DYNC1I2: variants seen among roughly 807,000 people sequenced by gnomAD.
DYNC1I2 encodes cytoplasmic dynein 1 intermediate chain 2.
Under a neutral mutation model 88.6 loss-of-function variants are expected in DYNC1I2, and 53 were observed. The ratio of observed to expected loss-of-function variants is 0.60; its 90% CI spans 0.48 to 0.75. DYNC1I2 has a LOEUF of 0.75. Ranked by LOEUF, DYNC1I2 falls within the 30% of genes least tolerant of loss-of-function variation. The probability of loss-of-function intolerance (pLI) is 0.00; values close to 1 mark genes in which losing one functional copy is unlikely to be tolerated. For synonymous variants in DYNC1I2, 198 were observed against 254.6 expected (o/e 0.78, Z 2.12); for missense variants, 458 against 766.6 (o/e 0.60, Z 4.75).
At chr2:171,720,834 A>G (rs912437554) in intron 7 of DYNC1I2, among the ~76,000 whole-genome samples, 2 of 152,196 alleles carry the variant, frequency 1.3e-5, no homozygotes, top group Admixed American at 1.3e-4. Flanking sequence ...AATATAAACA[A>G]AATTGAAAAT....
At chr2:171,746,112 T>C (rs1689760873) in intron 17 of DYNC1I2, among the ~76,000 whole-genome samples, 185 bp downstream of exon 17, 1 of 152,224 alleles carries the variant, frequency 6.6e-6, no homozygotes, top group African/African-American at 2.4e-5. Flanking sequence ...CCGAATGTTC[T>C]GTTTCCCATG....
intron 15 of DYNC1I2, among the ~76,000 whole-genome samples, chr2:171,734,883 G>C (rs1238940765): frequency 6.6e-6 from 1 of 152,176 alleles, no homozygotes; most frequent in African/African-American, 2.4e-5. Flanking sequence ...AATTAATAAT[G>C]AATGGTAAAG....
intron 5 of DYNC1I2, among the ~76,000 whole-genome samples, chr2:171,712,196 C>T (rs972244982): frequency 1.3e-5 from 2 of 152,126 alleles, no homozygotes; most frequent in Non-Finnish European, 2.9e-5. Flanking sequence ...CCATAAATTA[C>T]AGAAGGGTCA....
Position 171,708,093 on chromosome 2 carries a change from A to ACACAC in DYNC1I2, c.335+716_335+717insCACAC, listed in dbSNP as rs1553582707. On this transcript the variant is annotated intron_variant, in intron 5 of 17. Transcript: ENST00000397119. ...CACACACACACACACACACACACAC[A>ACACAC]AAATAGTGAGTATTAAATGTACTTT... Among the ~76,000 whole-genome samples the ACACAC allele has an allele frequency of 2.6e-5, 4 of 151,772 alleles. No homozygotes were observed. In the South Asian group the frequency reaches 6.2e-4, roughly 24 times the overall value.
rs77870494 is a variant in DYNC1I2, at chr2:171,702,414, T to C, written c.227-4133T>C. ...AAAACATATGCCTACAAGTCCAGTA[T>C]TTATTTGTAATTTGGCCTGAAAAAT... On this transcript the variant is annotated intron_variant, in intron 3 of 17. Coordinates refer to ENST00000397119, the MANE Select transcript of DYNC1I2 (RefSeq NM_001378.3). Among the ~76,000 whole-genome samples, 5,608 of 152,244 alleles carry C rather than the reference T, an allele frequency of 0.037. 999 individuals carry two copies. The East Asian group carries it at 0.59, about 16-fold the overall frequency.
chr2:171,732,320 A>G (rs1401314224), intron 15 of DYNC1I2, among the ~76,000 whole-genome samples: 6 of 152,238 alleles, frequency 3.9e-5, no homozygotes, highest in Non-Finnish European at 5.9e-5. Flanking sequence ...AGATTGTGCC[A>G]TTGCACTACA....
At chr2:171,709,146 A>G (rs1424025322) in intron 5 of DYNC1I2, among the ~76,000 whole-genome samples, 1 of 152,096 alleles carries the variant, frequency 6.6e-6, no homozygotes, top group African/African-American at 2.4e-5. Flanking sequence ...CATTATTTTT[A>G]TGTAGATACT....
chr2:171,718,475 C>T (rs555875545), intron 7 of DYNC1I2, among the ~76,000 whole-genome samples: 1 of 151,754 alleles, frequency 6.6e-6, no homozygotes, highest in Non-Finnish European at 1.5e-5. Flanking sequence ...GCTCTGTGGC[C>T]CAGGCTGGAG....
At chr2:171,707,597 CTAAA>C (rs1186798788) in intron 5 of DYNC1I2, among the ~76,000 whole-genome samples, 31 of 151,732 alleles carry the variant, frequency 2.0e-4, no homozygotes, top group African/African-American at 6.5e-4. Context: ...TAACTTAGTA[CTAAA>C]TAGTCAACCG....
intron 1 of DYNC1I2, among the ~76,000 whole-genome samples, chr2:171,689,629 T>C (rs1260464179): frequency 6.6e-6 from 1 of 152,170 alleles, no homozygotes; most frequent in East Asian, 1.9e-4. Flanking sequence ...CTAGCTACTA[T>C]GCTCAGCTCT....
intron 6 of DYNC1I2, 61 bp from the exon 7 acceptor site, chr2:171,715,267 T>C: frequency 9.2e-7 from 1 of 1,084,880 alleles, no homozygotes; most frequent in South Asian, 1.4e-5. Flanking sequence ...AATTCTTAAT[T>C]TTTGAAAATA....
Position 171,725,602 on chromosome 2 carries a change from T to TC in DYNC1I2, c.512-16_512-15insC, listed in dbSNP as rs143732787. The TC allele has an allele frequency of 1.0e-6, 1 of 966,896 alleles. No homozygotes were observed. Among genetic ancestry groups the TC allele is most frequent in the African/African-American group, 2.7e-5 (1 of 37,404 alleles). 59.9% of individuals were successfully genotyped at this position (966,896 alleles called of 1,614,324 possible). ...TGTTTTTTTGTTTTTTTGTTTGTTT[T>TC]TTTTTTTTTTTTCAGATGAAGAGGA... On this transcript the variant is annotated splice_polypyrimidine_tract_variant and intron_variant, in intron 7 of 17. Coordinates refer to ENST00000397119, the MANE Select transcript of DYNC1I2 (RefSeq NM_001378.3).
chr2:171,732,704 A>G (rs1202450724), intron 15 of DYNC1I2, among the ~76,000 whole-genome samples: 1 of 152,226 alleles, frequency 6.6e-6, no homozygotes, highest in African/African-American at 2.4e-5. Context: ...AATTGGTGAG[A>G]TGAAGCCAAC....
In DYNC1I2 at chr2:171,727,839, A is replaced by G; in HGVS notation, c.1015A>G (p.Thr339Ala). Reference protein sequence around the residue: ...FHCQSAVMSATFAKFHPNLVV... With the variant: ...FHCQSAVMSAAFAKFHPNLVV... ...TTTGCAGTCAGCTGTGATGTCTGCC[A>G]CATTTGCAAAATTTCATCCAAATCT... Residue 339 changes from threonine (T) to alanine (A), a missense_variant, in exon 12 of 18, where the codon ACA becomes GCA. This residue lies in a region of DYNC1I2 where 203 missense variants were observed against 354.2 expected (regional missense o/e 0.57). Coordinates refer to ENST00000397119, the MANE Select transcript of DYNC1I2 (RefSeq NM_001378.3). 6.2e-7 allele frequency: 1 copy of G among 1,613,004 alleles called. No individual in the cohort carries two copies. The highest frequency in any genetic ancestry group is 8.5e-7 in the Non-Finnish European group (1 of 1,179,360).
At chr2:171,714,704 C>A (rs1381381709) in intron 6 of DYNC1I2, among the ~76,000 whole-genome samples, 1 of 152,158 alleles carries the variant, frequency 6.6e-6, no homozygotes, top group Admixed American at 6.6e-5. Context: ...TCACTTTAGT[C>A]TAAGTGTAGA....
intron 15 of DYNC1I2, among the ~76,000 whole-genome samples, chr2:171,733,459 CTTTTTTTTTTTTTTTTTT>C (rs61079902): frequency 3.6e-5 from 2 of 55,772 alleles, no homozygotes; most frequent in Non-Finnish European, 6.3e-5. Context: ...TTGCCAGCAT[CTTTTTTTTTTTTTTTTTT>C]TTTTTTTTTT....
intron 3 of DYNC1I2, among the ~76,000 whole-genome samples, chr2:171,701,083 A>G (rs1312626012): frequency 6.6e-6 from 1 of 152,264 alleles, no homozygotes; most frequent in African/African-American, 2.4e-5. Context: ...CTCAAAAACA[A>G]GCTTTTTGCT....
intron 3 of DYNC1I2, among the ~76,000 whole-genome samples, chr2:171,705,021 G>A (rs1384739842): frequency 1.3e-5 from 2 of 151,990 alleles, no homozygotes; most frequent in African/African-American, 2.4e-5. Flanking sequence ...CATTTGGCTT[G>A]AACCTATATT....
At chr2:171,704,835 G>T (rs1455289466) in intron 3 of DYNC1I2, among the ~76,000 whole-genome samples, 5 of 152,146 alleles carry the variant, frequency 3.3e-5, no homozygotes, top group Non-Finnish European at 5.9e-5. Flanking sequence ...GGATTAAAAT[G>T]TAGCAGTTAC....
Sources: allele counts gnomAD v4.1 joint callset (sites outside exome capture counted in the v4.1 genomes callset), GRCh38; gene constraint gnomAD v4.1.1; regional missense constraint gnomAD v4.1.1; transcripts MANE v1.5; gene names NCBI Gene and HGNC (gene_info 2026-07-23, HGNC 2026-07-21).